Variants in LMAN1 observed in about 807,000 individuals in gnomAD.
LMAN1 encodes the protein lectin, mannose binding 1.
Under a neutral mutation model 67.8 loss-of-function variants are expected in LMAN1, and 32 were observed. That is an observed-to-expected ratio of 0.47 (90% CI 0.36 to 0.63). LMAN1 has a LOEUF of 0.63. Among genes scored for constraint, LMAN1 ranks in the 30% least tolerant of loss-of-function variants. LMAN1 has a pLI of 0.00. For missense variants in LMAN1, 632 were observed against 628.2 expected, an observed-to-expected ratio of 1.01 and a Z score of -0.06; for synonymous variants, 235 against 219.3, an observed-to-expected ratio of 1.07 and a Z score of -0.63.
chr18:59,328,562 ACACCTATTTTTTTTTTCC>A lies in LMAN1; in HGVS notation c.*2513_*2530del, dbSNP rs1384786609. The A allele has an allele frequency of 6.6e-6, 1 of 152,138 alleles. No individual in the cohort carries two copies. The highest frequency in any genetic ancestry group is 2.4e-5 in the African/African-American group (1 of 41,406). The allele number at this position is 152,138 out of a possible 1,614,324, so 9.4% of individuals were successfully genotyped here. On this transcript the variant is annotated 3_prime_UTR_variant, in exon 13 of 13. Transcript: ENST00000251047. ...CTCAGCTCAGCTCTAAATTAACAAA[ACACCTATTTTTTTTTTCC>A]CACTCCTCATTTTAGTGGTTCTCAA...
At chr18:59,347,880 G>T (rs1355158258) in intron 6 of LMAN1, among the ~76,000 whole-genome samples, 1 of 152,144 alleles carries the variant, frequency 6.6e-6, no homozygotes, top group African/African-American at 2.4e-5. Flanking sequence ...ACAAATGAAG[G>T]GTCAAAAGAA....
In LMAN1 at chr18:59,352,926, T is replaced by C. The variant is rs1383617752; in HGVS notation, c.639+276A>G. The C allele has an allele frequency of 1.9e-5, 7 of 376,002 alleles. No homozygotes were observed. The East Asian group carries it at 1.9e-4, about 10-fold the overall frequency. 23.3% of individuals were successfully genotyped at this position (376,002 alleles called of 1,614,324 possible). On this transcript the variant is annotated intron_variant, in intron 5 of 12. Coordinates refer to ENST00000251047, the MANE Select transcript of LMAN1 (RefSeq NM_005570.4). ...ATCCGTCTATCTATCTATCTACCTA[T>C]CTATCTATCTATCTATAGATATATA... is the stretch of plus-strand genomic sequence containing the variant.
Position 59,353,248 on chromosome 18 carries a change from GGTTTGTTGCGGAA to G in LMAN1, c.580_592del (p.Phe194ProfsTer15). On this transcript the variant is annotated frameshift_variant, in exon 5 of 13. Transcript: ENST00000251047. LOFTEE classifies it high-confidence loss of function. ...GGTAATCTTTGCTCGGACAGGATAG[GGTTTGTTGCGGAA>G]GTCCCTCTGGCAACTTGCCAAAGCT... The G allele has an allele frequency of 6.2e-7, 1 of 1,614,076 alleles. No individual in the cohort carries two copies. Among genetic ancestry groups the G allele is most frequent in the South Asian group, 1.1e-5 (1 of 91,076 alleles).
intron 1 of LMAN1, among the ~76,000 whole-genome samples, chr18:59,358,627 C>T (rs1359799575): frequency 6.6e-6 from 1 of 151,988 alleles, no homozygotes; most frequent in African/African-American, 2.4e-5. Flanking sequence ...GCTTCTAGAA[C>T]ATGTCTCAGG....
chr18:59,358,880 A>C, intron 1 of LMAN1, 151 bp downstream of exon 1: 1 of 769,452 alleles, frequency 1.3e-6, no homozygotes, highest in Non-Finnish European at 2.2e-6. Flanking sequence ...GACCCGGCGG[A>C]GGGGCTGCCA....
At chr18:59,341,545 G>A (rs1908286334) in intron 8 of LMAN1, among the ~76,000 whole-genome samples, 1 of 152,052 alleles carries the variant, frequency 6.6e-6, no homozygotes, top group Non-Finnish European at 1.5e-5. Flanking sequence ...ATACTAAGAG[G>A]AACTTAAGAA....
intron 10 of LMAN1, among the ~76,000 whole-genome samples, chr18:59,337,443 G>C (rs1908184334): frequency 6.6e-6 from 1 of 152,080 alleles, no homozygotes; most frequent in Non-Finnish European, 1.5e-5. Context: ...CATTAATTTA[G>C]TTGATTGAAT....
chr18:59,356,696 C>T (rs1056014258), intron 1 of LMAN1, among the ~76,000 whole-genome samples: 1 of 152,210 alleles, frequency 6.6e-6, no homozygotes, highest in Non-Finnish European at 1.5e-5. Flanking sequence ...TGGAAAGAGA[C>T]TGAACACAGA....
chr18:59,347,560 C>T lies in LMAN1; in HGVS notation c.775G>A (p.Val259Ile), dbSNP rs948402457. The T allele has an allele frequency of 1.8e-5, 28 of 1,599,798 alleles. No individual in the cohort carries two copies. Among genetic ancestry groups the T allele is most frequent in the Non-Finnish European group, 2.1e-5 (25 of 1,170,994 alleles). The change falls in exon 7 of 13, where the codon GTC becomes ATC. Residue 259 changes from valine (V) to isoleucine (I), a missense_variant. Coordinates refer to ENST00000251047, the MANE Select transcript of LMAN1 (RefSeq NM_005570.4). ...ATGGLADDHD[V>I]LSFLTFQLTE... ...AACTGGAAAGTCAGAAAAGAAAGGA[C>T]ATCATGGTCATCTACAAATTAAAAA...
intron 7 of LMAN1, 104 bp from the exon 8 acceptor site, chr18:59,346,155 G>A (rs539826133): frequency 1.3e-5 from 12 of 910,640 alleles, no homozygotes; most frequent in Non-Finnish European, 2.0e-5. Context: ...ACCACTAGCG[G>A]AAAGGTTAAC....
chr18:59,342,783 T>G (rs921596831), intron 8 of LMAN1, among the ~76,000 whole-genome samples: 6 of 151,904 alleles, frequency 3.9e-5, no homozygotes, highest in African/African-American at 1.4e-4. Context: ...AATAACATAA[T>G]ACTAGAAGTC....
intron 5 of LMAN1, chr18:59,352,708 T>C (rs1256841173): frequency 5.3e-6 from 1 of 187,810 alleles, no homozygotes; most frequent in African/African-American, 2.4e-5. Flanking sequence ...TGAGAAAATG[T>C]TCCTGCCCTT....
intron 10 of LMAN1, among the ~76,000 whole-genome samples, chr18:59,336,106 G>A (rs950764831): frequency 1.3e-5 from 2 of 152,176 alleles, no homozygotes; most frequent in African/African-American, 2.4e-5. Flanking sequence ...TAGGTTGACA[G>A]ACACGGAACT....
chr18:59,331,860 C>T (rs1054949262), intron 11 of LMAN1, among the ~76,000 whole-genome samples: 2 of 152,236 alleles, frequency 1.3e-5, no homozygotes, highest in Non-Finnish European at 2.9e-5. Flanking sequence ...TCTGGATACT[C>T]CCAGTTCACG....
At position 59,355,327 on chromosome 18, in the gene LMAN1, C is replaced by A. The variant is rs761881594; in HGVS notation, c.463G>T (p.Asp155Tyr). The A allele has an allele frequency of 6.2e-7, 1 of 1,612,388 alleles. No individual in the cohort carries two copies. The highest frequency in any genetic ancestry group is 1.1e-5 in the South Asian group (1 of 90,914). Residue 155 changes from aspartate to tyrosine, a missense_variant, in exon 3 of 13, where the codon GAC becomes TAC. Coordinates refer to ENST00000251047, the MANE Select transcript of LMAN1 (RefSeq NM_005570.4). ...NGVGIFFDSF[D>Y]NDGKKNNPAI... Reference sequence around the variant, plus strand: ...AATAAATATACCTTTCCATCATTGTCAAAAGAATCAAAAAATATTCCAACA... The same window carrying A: ...AATAAATATACCTTTCCATCATTGTAAAAAGAATCAAAAAATATTCCAACA...
At chr18:59,331,329 T>C (rs927750488) in intron 12 of LMAN1, 89 bp downstream of exon 12, 30 of 1,353,184 alleles carry the variant, frequency 2.2e-5, no homozygotes, top group African/African-American at 1.3e-4. Flanking sequence ...GTGGTGAAAA[T>C]TGTATTATGA....
intron 5 of LMAN1, among the ~76,000 whole-genome samples, chr18:59,349,559 T>C (rs1378669398): frequency 1.3e-5 from 2 of 152,138 alleles, no homozygotes; most frequent in Non-Finnish European, 2.9e-5. Context: ...AGCAGAGGGA[T>C]CAGACTTGTT....
chr18:59,353,941 A>C (rs1045814112), intron 4 of LMAN1, among the ~76,000 whole-genome samples: 29 of 152,202 alleles, frequency 1.9e-4, no homozygotes, highest in African/African-American at 7.0e-4. Context: ...AATGCTTTGT[A>C]AATAGTTGTT....
At chr18:59,332,865 T>C (rs1252185579) in intron 11 of LMAN1, among the ~76,000 whole-genome samples, 3 of 152,134 alleles carry the variant, frequency 2.0e-5, no homozygotes, top group African/African-American at 2.4e-5. Context: ...AATGATAATA[T>C]AAATATTACA....
Sources: allele counts gnomAD v4.1 joint callset (sites outside exome capture counted in the v4.1 genomes callset), GRCh38; gene constraint gnomAD v4.1.1; transcripts MANE v1.5; gene names NCBI Gene and HGNC (gene_info 2026-07-23, HGNC 2026-07-21).